The following SLC25A27 variants were observed in gnomAD, a reference collection of about 807,000 sequenced individuals.
The protein encoded by SLC25A27 is solute carrier family 25 member 27, also known as mitochondrial uncoupling protein 4.
In SLC25A27, 35 loss-of-function variants were observed where a neutral mutation model predicts 49.1. The ratio of observed to expected loss-of-function variants is 0.71; its 90% CI spans 0.54 to 0.95. The LOEUF (loss-of-function observed/expected upper bound fraction) is 0.95, where lower values mean the gene tolerates loss of function less well. Ranked by LOEUF, SLC25A27 falls within the 40% of genes least tolerant of loss-of-function variation. SLC25A27 has a pLI of 0.00. For synonymous variants in SLC25A27, 144 were observed against 136.9 expected, an observed-to-expected ratio of 1.05 and a Z score of -0.36; for missense variants, 339 against 397.1, an observed-to-expected ratio of 0.85 and a Z score of 1.24.
intron 6 of SLC25A27, among the ~76,000 whole-genome samples, chr6:46,669,706 TC>T (rs1335345021): frequency 7.9e-5 from 12 of 152,204 alleles, no homozygotes; most frequent in Admixed American, 7.9e-4. Context: ...TATACATGTG[TC>T]CTTTGTAACC....
At position 46,653,259 on chromosome 6, in the gene SLC25A27, T is replaced by A; in HGVS notation, c.67T>A (p.Phe23Ile). The change falls in exon 1 of 9, where the codon TTC becomes ATC. Residue 23 changes from phenylalanine to isoleucine, a missense_variant. By Grantham distance (21) the Phe-to-Ile change is conservative. Coordinates refer to ENST00000371347, the MANE Select transcript of SLC25A27 (RefSeq NM_004277.5). The part of the protein sequence containing the change: ...LTQRWPRASK[F>I]LLSGCAATVA... Reference sequence around the variant, plus strand: ...CCAGAGATGGCCCCGAGCGAGCAAATTCCTACTGTCCGGCTGCGCGGCTAC... The same window carrying A: ...CCAGAGATGGCCCCGAGCGAGCAAAATCCTACTGTCCGGCTGCGCGGCTAC... 1 of 1,613,576 alleles carries A rather than the reference T, an allele frequency of 6.2e-7. No individual in the cohort carries two copies. Among genetic ancestry groups the A allele is most frequent in the Non-Finnish European group, 8.5e-7 (1 of 1,179,706 alleles).
At chr6:46,667,476 C>T (rs942973188) in intron 5 of SLC25A27, among the ~76,000 whole-genome samples, 2 of 152,162 alleles carry the variant, frequency 1.3e-5, no homozygotes, top group South Asian at 2.1e-4. Flanking sequence ...AAAAGCCTCC[C>T]CTGGCTTCTG....
chr6:46,671,526 C>A (rs1763543048), intron 8 of SLC25A27, among the ~76,000 whole-genome samples: 3 of 151,724 alleles, frequency 2.0e-5, no homozygotes, highest in Non-Finnish European at 4.4e-5. Flanking sequence ...TTCATTTAGT[C>A]ATATTTTAAT....
Position 46,668,699 on chromosome 6 carries a change from C to G in SLC25A27, c.620-10C>G, listed in dbSNP as rs370283200. 11 of 1,543,092 alleles carry G rather than the reference C, an allele frequency of 7.1e-6. No homozygotes were observed. The African/African-American group carries it at 1.5e-4, about 21-fold the overall frequency. Reference sequence around the variant, plus strand: ...TGACTGATGAATATTTAAACTTTTTCCATTGCCAGATTTAACCACTTATGA... The same window carrying G: ...TGACTGATGAATATTTAAACTTTTTGCATTGCCAGATTTAACCACTTATGA... On this transcript the variant is annotated splice_polypyrimidine_tract_variant and intron_variant, in intron 5 of 8. Coordinates refer to ENST00000371347, the MANE Select transcript of SLC25A27 (RefSeq NM_004277.5).
At chr6:46,656,706 G>A (rs1365893238) in intron 2 of SLC25A27, among the ~76,000 whole-genome samples, 3 of 152,024 alleles carry the variant, frequency 2.0e-5, no homozygotes, top group Admixed American at 6.6e-5. Context: ...GGCGTGAGCC[G>A]CCGTGCCCAG....
chr6:46,658,683 T>C, intron 2 of SLC25A27: 1 of 439,414 alleles, frequency 2.3e-6, no homozygotes, highest in Non-Finnish European at 4.1e-6. Flanking sequence ...TGTTTTTGAG[T>C]TGAGTCCTGA....
chr6:46,656,215 C>T (rs1239571591), intron 2 of SLC25A27, among the ~76,000 whole-genome samples, 181 bp downstream of exon 2: 1 of 151,954 alleles, frequency 6.6e-6, no homozygotes, highest in South Asian at 2.1e-4. Flanking sequence ...GAGTCACACT[C>T]TGTCGCCCAG....
In SLC25A27 at chr6:46,653,122, G is replaced by A. The variant is rs1762810422; in HGVS notation, c.-71G>A. Reference sequence around the variant, plus strand: ...GTTGAAAAGGGGCCGCCCTGGCAGGGAAGCGGCCGCCGCGGCGCGGTGCAG... The same window carrying A: ...GTTGAAAAGGGGCCGCCCTGGCAGGAAAGCGGCCGCCGCGGCGCGGTGCAG... On this transcript the variant is annotated 5_prime_UTR_variant, in exon 1 of 9. Coordinates refer to ENST00000371347, the MANE Select transcript of SLC25A27 (RefSeq NM_004277.5). 6.9e-7 allele frequency: 1 copy of A among 1,448,564 alleles called. No individual in the cohort carries two copies. The highest frequency in any genetic ancestry group is 9.6e-7 in the Non-Finnish European group (1 of 1,043,778). The allele number at this position is 1,448,564 out of a possible 1,614,324, so 89.7% of individuals were successfully genotyped here.
intron 3 of SLC25A27, among the ~76,000 whole-genome samples, chr6:46,661,948 T>C (rs531068035): frequency 6.6e-6 from 1 of 152,328 alleles, no homozygotes; most frequent in East Asian, 1.9e-4. Context: ...CTTCAAGTTA[T>C]TTTAAAGTAA....
At chr6:46,668,932 A>G in intron 6 of SLC25A27, 139 bp downstream of exon 6, 1 of 552,668 alleles carries the variant, frequency 1.8e-6, no homozygotes, top group East Asian at 2.9e-5. Context: ...ATAAAGAGAA[A>G]TTTCTTAAAG....
At position 46,653,146 on chromosome 6, in the gene SLC25A27, A is replaced by C; in HGVS notation, c.-47A>C. 2 of 1,544,494 alleles carry C rather than the reference A, an allele frequency of 1.3e-6. No individual in the cohort carries two copies. Among genetic ancestry groups the C allele is most frequent in the Non-Finnish European group, 8.9e-7 (1 of 1,123,144 alleles). On this transcript the variant is annotated 5_prime_UTR_variant, in exon 1 of 9. Transcript: ENST00000371347. ...GGAAGCGGCCGCCGCGGCGCGGTGCAGCGCAGCGGCGAGAAGGAGTGCGTT... is the reference window on the plus strand; with the variant it reads ...GGAAGCGGCCGCCGCGGCGCGGTGCCGCGCAGCGGCGAGAAGGAGTGCGTT...
chr6:46,654,145 G>A (rs570010312), intron 1 of SLC25A27: 1 of 982,344 alleles, frequency 1.0e-6, no homozygotes, highest in Admixed American at 6.1e-5. Flanking sequence ...TTTGTGAGTA[G>A]TATACTCATG....
At chr6:46,675,647 A>G (rs1763749448) in intron 8 of SLC25A27, among the ~76,000 whole-genome samples, 1 of 152,128 alleles carries the variant, frequency 6.6e-6, no homozygotes, top group African/African-American at 2.4e-5. Context: ...TTAGGCAGGA[A>G]TTATTAGATC....
intron 8 of SLC25A27, among the ~76,000 whole-genome samples, chr6:46,673,821 A>G (rs1244234146): frequency 2.0e-5 from 3 of 152,242 alleles, no homozygotes; most frequent in Non-Finnish European, 4.4e-5. Context: ...TTTGTTTGAC[A>G]GCAAGATTAC....
In SLC25A27 at chr6:46,654,216, A is replaced by G. The variant is rs138525740; in HGVS notation, c.106+918A>G. 258 of 739,716 alleles carry G rather than the reference A, an allele frequency of 3.5e-4. 2 individuals carry two copies. The East Asian group carries it at 0.014, about 40-fold the overall frequency. The allele number at this position is 739,716 out of a possible 1,614,324, so 45.8% of individuals were successfully genotyped here. On this transcript the variant is annotated intron_variant, in intron 1 of 8. Coordinates refer to ENST00000371347, the MANE Select transcript of SLC25A27 (RefSeq NM_004277.5). The stretch of plus-strand genomic sequence containing the variant: ...TTACCCTTACATTTTCTTGCCTGTT[A>G]CAAAAAAATAAAAAGAACAGTTCTG...
intron 8 of SLC25A27, 145 bp from the exon 9 acceptor site, chr6:46,676,238 C>A: frequency 4.8e-6 from 3 of 627,630 alleles, no homozygotes; most frequent in South Asian, 2.6e-5. Flanking sequence ...TTATAAAGTC[C>A]TTTACAAAGG....
chr6:46,671,286 T>C, intron 8 of SLC25A27, 58 bp downstream of exon 8: 2 of 1,010,022 alleles, frequency 2.0e-6, no homozygotes, highest in Non-Finnish European at 2.9e-6. Context: ...ACTTTTAATT[T>C]ATAAGCATTT....
chr6:46,676,243 C>T, intron 8 of SLC25A27, 140 bp from the exon 9 acceptor site: 1 of 667,182 alleles, frequency 1.5e-6, no homozygotes. Context: ...AAGTCCTTTA[C>T]AAAGGTGAAA....
At chr6:46,659,403 A>T (rs761030501) in intron 3 of SLC25A27, among the ~76,000 whole-genome samples, 7 of 152,110 alleles carry the variant, frequency 4.6e-5, no homozygotes, top group Non-Finnish European at 1.0e-4. Context: ...CACCTTTTTT[A>T]TCTTCAGTTT....
Sources: gnomAD v4.1 joint callset for allele counts (sites outside exome capture counted in the v4.1 genomes callset) on GRCh38, gnomAD v4.1.1 for gene constraint, MANE v1.5 for transcripts, NCBI Gene and HGNC (gene_info 2026-07-23, HGNC 2026-07-21) for gene names.